The following DRC3 variants were observed in gnomAD, a reference collection of about 807,000 sequenced individuals.
The protein encoded by DRC3 is leucine rich repeat containing 48.
In DRC3, 45 loss-of-function variants were observed where a neutral mutation model predicts 57.6. That is an observed-to-expected ratio of 0.78 (90% CI 0.62 to 1.00). The LOEUF (loss-of-function observed/expected upper bound fraction) is 1.00. DRC3 is among the 50% of genes least tolerant of loss of function. The pLI is 0.00. For synonymous variants in DRC3, 257 were observed against 272.3 expected (o/e 0.94, Z 0.55); for missense variants, 655 against 675.2 (o/e 0.97, Z 0.33).
chr17:17,992,068 A>C (rs1189523504), intron 5 of DRC3, among the ~76,000 whole-genome samples: 1 of 152,198 alleles, frequency 6.6e-6, no homozygotes. Flanking sequence ...TGAGCCTAGG[A>C]GTTTGAGACC....
At chr17:17,977,289 G>A in intron 2 of DRC3, 2 of 378,706 alleles carry the variant, frequency 5.3e-6, no homozygotes, top group South Asian at 4.7e-5. Flanking sequence ...CAAGATCACA[G>A]GCTAGGGAGA....
rs897643657 is a variant in DRC3, at chr17:18,015,890, TCA to T, written c.1327-171_1327-170del. ...CCCTGTGCAGTTGGGGAAGCGGCTG[TCA>T]CAGATGAATTCACAGATGAATCGGC... On this transcript the variant is annotated intron_variant, in intron 12 of 13. Transcript: ENST00000399187. 11 of 671,358 alleles carry T rather than the reference TCA, an allele frequency of 1.6e-5. No homozygotes were observed. The African/African-American group carries it at 2.0e-4, about 12-fold the overall frequency. The allele number at this position is 671,358 out of a possible 1,614,324, so 41.6% of individuals were successfully genotyped here. A position where few individuals can be genotyped will look rare whatever the true frequency, so the allele number is the denominator to read the frequency against.
chr17:18,015,054 A>G (rs969202785), intron 12 of DRC3: 3 of 152,236 alleles, frequency 2.0e-5, no homozygotes, highest in Admixed American at 1.3e-4. Context: ...TGGAAAACCA[A>G]GAGAGACAAA....
rs186699780 is a variant in DRC3 at position 18,016,796 on chromosome 17, A to G, written c.*125A>G. 1 of 533,020 alleles carries G rather than the reference A, an allele frequency of 1.9e-6. No individual in the cohort carries two copies. Among genetic ancestry groups the G allele is most frequent in the Non-Finnish European group, 3.3e-6 (1 of 301,122 alleles). 33.0% of individuals were successfully genotyped at this position (533,020 alleles called of 1,614,324 possible). A position where few individuals can be genotyped will look rare whatever the true frequency, so the allele number is the denominator to read the frequency against. ...GCATCTCTCAACCGCGATCCCCAAC[A>G]CCATTCTTCCCCCACCCCTGGAAAA... is the stretch of plus-strand genomic sequence containing the variant. On this transcript the variant is annotated 3_prime_UTR_variant, in exon 14 of 14. Transcript: ENST00000399187.
At chr17:17,996,665 GA>G (rs1259889599) in intron 8 of DRC3, among the ~76,000 whole-genome samples, 1 of 152,204 alleles carries the variant, frequency 6.6e-6, no homozygotes, top group Non-Finnish European at 1.5e-5. Context: ...ATTCTGGAAA[GA>G]ATGAGGGCAG....
chr17:18,012,796 A>G (rs1414934874), intron 12 of DRC3, among the ~76,000 whole-genome samples: 2 of 152,208 alleles, frequency 1.3e-5, no homozygotes, highest in African/African-American at 2.4e-5. Context: ...AAGCACAGAC[A>G]ACAAAAGCAA....
At chr17:17,974,097 C>G (rs1398426869) in intron 2 of DRC3, 135 bp downstream of exon 2, 1 of 152,278 alleles carries the variant, frequency 6.6e-6, no homozygotes, top group Non-Finnish European at 1.5e-5. Flanking sequence ...CCCCAGTACC[C>G]TGGATACAGT....
At chr17:17,984,428 A>G (rs1046906637) in intron 4 of DRC3, among the ~76,000 whole-genome samples, 4 of 152,032 alleles carry the variant, frequency 2.6e-5, no homozygotes, top group Admixed American at 6.6e-5. Context: ...CGTCATAGAG[A>G]TGAGCAAACT....
chr17:18,005,046 A>G (rs1176572687), intron 10 of DRC3: 1 of 153,594 alleles, frequency 6.5e-6, no homozygotes, highest in Non-Finnish European at 1.4e-5. Flanking sequence ...GATAGCACCT[A>G]ATCAATTCCT....
At chr17:17,981,214 C>T in intron 3 of DRC3, 1 of 252,666 alleles carries the variant, frequency 4.0e-6, no homozygotes, top group Non-Finnish European at 8.7e-6. Context: ...GCAGTTGGGG[C>T]ATCTTTGCTT....
At chr17:18,000,290 C>A (rs1011906135) in intron 9 of DRC3, among the ~76,000 whole-genome samples, 8 of 106,230 alleles carry the variant, frequency 7.5e-5, no homozygotes, top group Non-Finnish European at 1.4e-4. Flanking sequence ...TTGCTCTGTA[C>A]TTTGCTTTCG....
In DRC3 at chr17:17,995,124, G is replaced by C. The variant is rs550474872; in HGVS notation, c.824+13G>C. The C allele has an allele frequency of 4.8e-5, 77 of 1,592,336 alleles. No individual in the cohort carries two copies. The highest frequency in any genetic ancestry group is 6.4e-5 in the Non-Finnish European group (74 of 1,160,832). ...AGCTCCTTGAGACATATCCTTCTGAGTTCATGGCTGTCTCAGAGCCTCTGC... is the reference window on the plus strand; with the variant it reads ...AGCTCCTTGAGACATATCCTTCTGACTTCATGGCTGTCTCAGAGCCTCTGC... On this transcript the variant is annotated intron_variant, in intron 8 of 13. Transcript: ENST00000399187.
intron 9 of DRC3, among the ~76,000 whole-genome samples, chr17:17,998,282 A>G (rs2043546686): frequency 6.6e-6 from 1 of 152,144 alleles, no homozygotes; most frequent in Non-Finnish European, 1.5e-5. Flanking sequence ...TCCTCCACCC[A>G]CTAGGAGCAG....
chr17:18,015,171 T>C (rs945845246), intron 12 of DRC3: 26 of 152,252 alleles, frequency 1.7e-4, no homozygotes, highest in African/African-American at 6.0e-4. Flanking sequence ...CCAAATGTAT[T>C]TGACCAAAGA....
intron 12 of DRC3, chr17:18,010,939 G>GT (rs61680283): frequency 0.025 from 5,913 of 232,912 alleles, 86 homozygotes; most frequent in African/African-American, 0.061. Context: ...CAAGGATGAG[G>GT]TTTTTTTTTT....
intron 10 of DRC3, chr17:18,004,779 C>T: frequency 2.7e-6 from 1 of 376,794 alleles, no homozygotes; most frequent in East Asian, 5.2e-5. Context: ...ACCCCTGGAG[C>T]TATCCGGGTA....
At chr17:18,006,113 T>C in intron 10 of DRC3, 70 bp from the exon 11 acceptor site, 1 of 1,165,306 alleles carries the variant, frequency 8.6e-7, no homozygotes, top group Non-Finnish European at 1.3e-6. Context: ...TGCTAAATTT[T>C]GAGGAGTACC....
chr17:18,002,516 A>G (rs1212143596), intron 9 of DRC3, among the ~76,000 whole-genome samples: 1 of 152,164 alleles, frequency 6.6e-6, no homozygotes, highest in Non-Finnish European at 1.5e-5. Flanking sequence ...AGGGCTCAGC[A>G]TCTATTTAGC....
At chr17:17,983,286 A>C (rs1321036089) in intron 3 of DRC3, among the ~76,000 whole-genome samples, 1 of 152,246 alleles carries the variant, frequency 6.6e-6, no homozygotes, top group Non-Finnish European at 1.5e-5. Context: ...ACATATATAC[A>C]GTGTGGAGAT....
Sources: allele counts gnomAD v4.1 joint callset (sites outside exome capture counted in the v4.1 genomes callset), GRCh38; gene constraint gnomAD v4.1.1; transcripts MANE v1.5; gene names NCBI Gene and HGNC (gene_info 2026-07-23, HGNC 2026-07-21).